TMPRSS12: variants seen among roughly 807,000 people sequenced by gnomAD.
The protein encoded by TMPRSS12 is transmembrane protease serine 12.
A neutral mutation model predicts 26.0 loss-of-function variants in TMPRSS12; 25 were observed. The ratio of observed to expected loss-of-function variants is 0.96; its 90% CI spans 0.70 to 1.34. The LOEUF (loss-of-function observed/expected upper bound fraction) is 1.34, where lower values mean the gene tolerates loss of function less well. TMPRSS12 is among the 40% of genes most tolerant of loss of function. The pLI, the probability that TMPRSS12 is intolerant of heterozygous loss-of-function variation, is 0.00. For missense variants in TMPRSS12, 441 were observed against 440.1 expected, an observed-to-expected ratio of 1.00 and a Z score of -0.02; for synonymous variants, 150 against 161.7, an observed-to-expected ratio of 0.93 and a Z score of 0.55.
chr12:50,860,276 TA>T (rs1407725965), intron 3 of TMPRSS12, among the ~76,000 whole-genome samples: 1 of 152,208 alleles, frequency 6.6e-6, no homozygotes, highest in African/African-American at 2.4e-5. Flanking sequence ...TTAGTGTACT[TA>T]GGGGCAGTAA....
At chr12:50,882,221 G>A (rs1163905618) in intron 3 of TMPRSS12, among the ~76,000 whole-genome samples, 1 of 142,094 alleles carries the variant, frequency 7.0e-6, no homozygotes, top group Non-Finnish European at 1.5e-5. Context: ...AGGCCAATGT[G>A]GGAGAATTGC....
chr12:50,850,731 G>A (rs1047509191), intron 2 of TMPRSS12, among the ~76,000 whole-genome samples: 1 of 152,156 alleles, frequency 6.6e-6, no homozygotes, highest in Non-Finnish European at 1.5e-5. Context: ...CCCTGCTACT[G>A]CTGGCACATG....
At chr12:50,877,987 C>T (rs1405909374) in intron 3 of TMPRSS12, among the ~76,000 whole-genome samples, 1 of 152,104 alleles carries the variant, frequency 6.6e-6, no homozygotes. Flanking sequence ...CTGAAAACTA[C>T]AAAAACATCA....
In TMPRSS12 at chr12:50,843,119, G is replaced by A. The variant is rs868703579; in HGVS notation, c.155G>A (p.Arg52Gln). Residue 52 changes from arginine (R) to glutamine (Q), a missense_variant, in exon 1 of 5, where the codon CGG (arginine) becomes CAG (glutamine). Coordinates refer to ENST00000398458, the MANE Select transcript of TMPRSS12 (RefSeq NM_182559.3). The stretch of plus-strand genomic sequence containing the variant: ...GCTGAGGCCGTCCGCAAGAGGCTCC[G>A]GCGGCGGAGGGAGGGAGGGGCGCAT... The part of the protein sequence containing the change: ...QQAEAVRKRL[R>Q]RRREGGAHAE... 6.4e-6 allele frequency: 10 copies of A among 1,574,732 alleles called. No individual in the cohort carries two copies. The East Asian group carries it at 6.9e-5, about 11-fold the overall frequency.
chr12:50,880,966 C>CTTTTTTTTTTTTTTTTTTTTTT (rs869152225), intron 3 of TMPRSS12, among the ~76,000 whole-genome samples: 1 of 61,800 alleles, frequency 1.6e-5, no homozygotes, highest in African/African-American at 6.1e-5. Context: ...TCAGTAATTT[C>CTTTTTTTTTTTTTTTTTTTTTT]TTTTTTTTTT....
intron 2 of TMPRSS12, among the ~76,000 whole-genome samples, chr12:50,851,013 A>G (rs1023118850): frequency 6.6e-6 from 1 of 152,186 alleles, no homozygotes; most frequent in African/African-American, 2.4e-5. Flanking sequence ...ACACAGTCAA[A>G]CCCTCAAGGG....
At chr12:50,847,057 C>CT (rs547352999) in intron 2 of TMPRSS12, among the ~76,000 whole-genome samples, 65,546 of 109,562 alleles carry the variant, frequency 0.6, 21,091 homozygotes, top group Non-Finnish European at 0.66. Context: ...AGTCTAAAAA[C>CT]TTTTTTTTTT....
At chr12:50,882,256 C>T (rs951982413) in intron 3 of TMPRSS12, among the ~76,000 whole-genome samples, 3 of 129,522 alleles carry the variant, frequency 2.3e-5, no homozygotes, top group Non-Finnish European at 4.7e-5. Flanking sequence ...TCAAGACCAG[C>T]CTAGGCAACA....
At chr12:50,876,704 T>C (rs555591472) in intron 3 of TMPRSS12, among the ~76,000 whole-genome samples, 2 of 146,940 alleles carry the variant, frequency 1.4e-5, no homozygotes, top group South Asian at 2.2e-4. Flanking sequence ...CTCAGGAGGC[T>C]GAGGCAGGAG....
In TMPRSS12 at chr12:50,885,369, G is replaced by C. The variant is rs1375402781; in HGVS notation, c.776G>C (p.Gly259Ala). The change falls in exon 4 of 5, where the codon GGA (glycine) becomes GCA (alanine). Residue 259 changes from glycine to alanine, a missense_variant. Physicochemically the swap from Gly to Ala is moderately conservative, Grantham distance 60 (BLOSUM62 0). Coordinates refer to ENST00000398458, the MANE Select transcript of TMPRSS12 (RefSeq NM_182559.3). The stretch of plus-strand genomic sequence containing the variant: ...TCATTTTGTGCAGGTGATGAAGATG[G>C]AGCTTTTGATACTTGCAGGGTAAGA... ...NTSFCAGDED[G>A]AFDTCRGDSG... 6.2e-7 allele frequency: 1 copy of C among 1,613,666 alleles called. No individual in the cohort carries two copies. The highest frequency in any genetic ancestry group is 8.5e-7 in the Non-Finnish European group (1 of 1,179,832).
At position 50,887,271 on chromosome 12, in the gene TMPRSS12, G is replaced by A. The variant is rs369598424; in HGVS notation, c.805G>A (p.Gly269Arg). The change falls in exon 5 of 5, where the codon GGG becomes AGG. Residue 269 changes from glycine to arginine, a missense_variant. By Grantham distance (125) the Gly-to-Arg change is moderately radical. Coordinates refer to ENST00000398458, the MANE Select transcript of TMPRSS12 (RefSeq NM_182559.3). ...GAFDTCRGDSGGPLMCYLPEY... is the reference protein window; with the variant it reads ...GAFDTCRGDSRGPLMCYLPEY... ...GGGACTTTTTTGACAGGGTGACAGTGGGGGACCATTAATGTGCTACTTACC... is the reference window on the plus strand; with the variant it reads ...GGGACTTTTTTGACAGGGTGACAGTAGGGGACCATTAATGTGCTACTTACC... 421 of 1,613,414 alleles carry A rather than the reference G, an allele frequency of 2.6e-4. No individual in the cohort carries two copies. Among genetic ancestry groups the A allele is most frequent in the Non-Finnish European group, 3.5e-4 (408 of 1,179,702 alleles).
At position 50,887,423 on chromosome 12, in the gene TMPRSS12, T is replaced by C. The variant is rs778859340; in HGVS notation, c.957T>C (p.His319=). 1.9e-6 allele frequency: 3 copies of C among 1,613,960 alleles called. No individual in the cohort carries two copies. The highest frequency in any genetic ancestry group is 3.3e-5 in the Admixed American group (2 of 60,002). Reference sequence around the variant, plus strand: ...AGTGGCTGACAGAGCATTTCTTCCATGCAAGCACTCAAGGCATACTTACTA... The same window carrying C: ...AGTGGCTGACAGAGCATTTCTTCCACGCAAGCACTCAAGGCATACTTACTA... The part of the protein sequence containing the change: ...YQKWLTEHFF[H]ASTQGILTIN... The change falls in exon 5 of 5, where the codon CAT becomes CAC. Residue 319 remains histidine (H), a synonymous_variant. Coordinates refer to ENST00000398458, the MANE Select transcript of TMPRSS12 (RefSeq NM_182559.3).
chr12:50,878,329 C>T (rs1436268714), intron 3 of TMPRSS12, among the ~76,000 whole-genome samples: 3 of 152,018 alleles, frequency 2.0e-5, no homozygotes, highest in East Asian at 3.9e-4. Flanking sequence ...GCCTGTAATC[C>T]CAGCATTTTG....
intron 3 of TMPRSS12, among the ~76,000 whole-genome samples, chr12:50,885,009 ACT>A (rs1458457009): frequency 6.6e-6 from 1 of 152,104 alleles, no homozygotes; most frequent in Non-Finnish European, 1.5e-5. Context: ...ACGTCACTGC[ACT>A]CCAGCCTGGG....
At chr12:50,848,854 C>T (rs1336000298) in intron 2 of TMPRSS12, among the ~76,000 whole-genome samples, 2 of 152,144 alleles carry the variant, frequency 1.3e-5, no homozygotes, top group Admixed American at 6.5e-5. Flanking sequence ...AGTATATAAG[C>T]ACCAATGGAT....
chr12:50,881,284 A>G (rs1938161728), intron 3 of TMPRSS12, among the ~76,000 whole-genome samples: 1 of 152,012 alleles, frequency 6.6e-6, no homozygotes, highest in Admixed American at 6.6e-5. Flanking sequence ...AGCCCAGCCC[A>G]TCAGTCATTT....
chr12:50,872,059 A>G (rs754817338), intron 3 of TMPRSS12, among the ~76,000 whole-genome samples: 81 of 152,188 alleles, frequency 5.3e-4, no homozygotes, highest in Non-Finnish European at 8.4e-4. Context: ...TGAAAGTAGA[A>G]CTGCCATTTG....
At chr12:50,844,091 A>G (rs1592215253) in intron 2 of TMPRSS12, 54 bp downstream of exon 2, 2 of 1,426,604 alleles carry the variant, frequency 1.4e-6, no homozygotes, top group Non-Finnish European at 1.8e-6. Flanking sequence ...TTTTGAAGTG[A>G]TAGAGGACCA....
intron 1 of TMPRSS12, 43 bp downstream of exon 1, chr12:50,843,194 T>C (rs1937731244): frequency 1.3e-6 from 2 of 1,490,564 alleles, no homozygotes; most frequent in Non-Finnish European, 1.8e-6. Context: ...CTCTCTTACC[T>C]TTTCCCCACC....
Sources: gnomAD v4.1 joint callset for allele counts (sites outside exome capture counted in the v4.1 genomes callset) on GRCh38, gnomAD v4.1.1 for gene constraint, MANE v1.5 for transcripts, NCBI Gene and HGNC (gene_info 2026-07-23, HGNC 2026-07-21) for gene names.